The following LRMDA variants were observed in gnomAD, a reference collection of about 807,000 sequenced individuals.
LRMDA encodes leucine-rich melanocyte differentiation-associated protein.
A neutral mutation model predicts 29.8 loss-of-function variants in LRMDA; 18 were observed. The ratio of observed to expected loss-of-function variants is 0.60; its 90% confidence interval spans 0.42 to 0.90. The LOEUF (loss-of-function observed/expected upper bound fraction) is 0.90, where lower values mean the gene tolerates loss of function less well. LRMDA is among the 40% of genes least tolerant of loss of function. The pLI is 0.00. For missense variants in LRMDA, 273 were observed against 273.9 expected, an observed-to-expected ratio of 1.00 and a Z score of 0.02; for synonymous variants, 125 against 109.4, an observed-to-expected ratio of 1.14 and a Z score of -0.89.
chr10:76,200,396 G>T (rs1252487279), intron 5 of LRMDA, among the ~76,000 whole-genome samples: 1 of 152,264 alleles, frequency 6.6e-6, no homozygotes, highest in Admixed American at 6.5e-5. Flanking sequence ...CACAGCAAAT[G>T]CCTTTCATGT....
intron 2 of LRMDA, among the ~76,000 whole-genome samples, chr10:75,707,950 A>C (rs1002705460): frequency 1.3e-5 from 2 of 151,674 alleles, no homozygotes; most frequent in Non-Finnish European, 1.5e-5. Flanking sequence ...ATCCTTCCTT[A>C]CTTCTTGACC....
At chr10:75,530,262 A>G (rs1589170667) in intron 2 of LRMDA, among the ~76,000 whole-genome samples, 1 of 151,582 alleles carries the variant, frequency 6.6e-6, no homozygotes, top group East Asian at 1.9e-4. Flanking sequence ...GATCATATTT[A>G]GAATTTGAAA....
At chr10:76,506,708 G>A (rs192589401) in intron 6 of LRMDA, among the ~76,000 whole-genome samples, 18 of 151,678 alleles carry the variant, frequency 1.2e-4, no homozygotes, top group Admixed American at 6.6e-4. Flanking sequence ...TCCCACATAT[G>A]AATTATAACA....
chr10:76,423,175 G>A (rs187892362), intron 6 of LRMDA, among the ~76,000 whole-genome samples: 29 of 152,264 alleles, frequency 1.9e-4, no homozygotes, highest in Admixed American at 2.6e-4. Flanking sequence ...CAGGCAGATC[G>A]CTTGAGTCCA....
intron 2 of LRMDA, among the ~76,000 whole-genome samples, chr10:75,932,090 A>C (rs1452854455): frequency 6.6e-6 from 1 of 152,200 alleles, no homozygotes; most frequent in African/African-American, 2.4e-5. Flanking sequence ...ATCAATAACA[A>C]GTTTTTTGGG....
intron 2 of LRMDA, among the ~76,000 whole-genome samples, chr10:75,602,799 A>C (rs907061531): frequency 6.6e-6 from 1 of 152,222 alleles, no homozygotes; most frequent in Non-Finnish European, 1.5e-5. Flanking sequence ...ATATATTAAA[A>C]AAAGTTCAGA....
chr10:75,464,762 G>A (rs1297247872), intron 2 of LRMDA, among the ~76,000 whole-genome samples: 1 of 152,164 alleles, frequency 6.6e-6, no homozygotes, highest in Admixed American at 6.5e-5. Flanking sequence ...CTGGGATCAG[G>A]GGAAGTCCTC....
chr10:75,601,040 C>T (rs1040845775), intron 2 of LRMDA, among the ~76,000 whole-genome samples: 1 of 152,176 alleles, frequency 6.6e-6, no homozygotes, highest in Non-Finnish European at 1.5e-5. Context: ...TTCTGTTAAC[C>T]TCCCTGAACC....
In LRMDA at chr10:76,382,123, A is replaced by T. The variant is rs374130901; in HGVS notation, c.601+57638A>T. 3.9e-5 allele frequency among the ~76,000 whole-genome samples: 6 copies of T among 152,300 alleles called. No homozygotes were observed. In the East Asian group the frequency reaches 5.8e-4, roughly 15 times the overall value. ...TGACTCCTGGGCTAAGATTTTAGTT[A>T]ATACCGTACTACTTCTGGGTAGAGA... On this transcript the variant is annotated intron_variant, in intron 6 of 6. Transcript: ENST00000611255.
chr10:76,363,169 G>GAAAA (rs1367250556), intron 6 of LRMDA, among the ~76,000 whole-genome samples: 4 of 39,588 alleles, frequency 1.0e-4, no homozygotes, highest in African/African-American at 4.0e-4. Context: ...AAGAAAGAAA[G>GAAAA]AAAGAAAGGA....
chr10:75,902,795 G>A (rs1417640840), intron 2 of LRMDA, among the ~76,000 whole-genome samples: 1 of 152,142 alleles, frequency 6.6e-6, no homozygotes, highest in Admixed American at 6.5e-5. Flanking sequence ...TACAGATCCT[G>A]TGGCAGTGAG....
intron 6 of LRMDA, among the ~76,000 whole-genome samples, chr10:76,329,710 A>G (rs1840881148): frequency 6.6e-6 from 1 of 152,174 alleles, no homozygotes; most frequent in Admixed American, 6.5e-5. Flanking sequence ...ACTTATTATA[A>G]TTAGTTATCA....
intron 6 of LRMDA, among the ~76,000 whole-genome samples, chr10:76,440,168 G>T (rs1051034117): frequency 1.3e-5 from 2 of 152,224 alleles, no homozygotes; most frequent in East Asian, 3.9e-4. Flanking sequence ...GGGAGGCAAT[G>T]AGGGCAAAGA....
intron 2 of LRMDA, among the ~76,000 whole-genome samples, chr10:75,864,161 C>T (rs751125090): frequency 1.3e-5 from 2 of 152,108 alleles, no homozygotes; most frequent in African/African-American, 2.4e-5. Flanking sequence ...TCTTGAGAAC[C>T]GGATGAGATA....
At chr10:75,992,032 A>C (rs1847379036) in intron 2 of LRMDA, among the ~76,000 whole-genome samples, 1 of 152,224 alleles carries the variant, frequency 6.6e-6, no homozygotes, top group South Asian at 2.1e-4. Context: ...CCATTTATTT[A>C]GTATTTCTAT....
At chr10:75,953,093 G>A (rs1846605218) in intron 2 of LRMDA, among the ~76,000 whole-genome samples, 1 of 152,086 alleles carries the variant, frequency 6.6e-6, no homozygotes, top group Non-Finnish European at 1.5e-5. Context: ...TTTTTTAAGA[G>A]ACAGGGTCTC....
chr10:75,817,945 C>T (rs186335666), intron 2 of LRMDA, among the ~76,000 whole-genome samples: 64 of 152,258 alleles, frequency 4.2e-4, no homozygotes, highest in African/African-American at 1.5e-3. Flanking sequence ...AGACTCTTTC[C>T]ATCTTTTTTC....
chr10:76,238,490 T>G (rs1852204193), intron 5 of LRMDA, among the ~76,000 whole-genome samples: 1 of 145,900 alleles, frequency 6.9e-6, no homozygotes, highest in East Asian at 2.2e-4. Context: ...CCTCCCATCT[T>G]CTCTACCCAG....
chr10:75,662,473 T>G (rs76262750), intron 2 of LRMDA, among the ~76,000 whole-genome samples: 6,048 of 152,264 alleles, frequency 0.04, 397 homozygotes, highest in African/African-American at 0.13. Context: ...GGAATTTTAT[T>G]GAAAACAAAG....
Sources: allele counts gnomAD v4.1 joint callset (sites outside exome capture counted in the v4.1 genomes callset), GRCh38; gene constraint gnomAD v4.1.1; transcripts MANE v1.5; gene names NCBI Gene and HGNC (gene_info 2026-07-23, HGNC 2026-07-21).